Variants in U2SURP observed in about 807,000 individuals in gnomAD.
U2SURP encodes U2 snRNP-associated SURP motif-containing protein.
In U2SURP, 9 loss-of-function variants were observed where a neutral mutation model predicts 144.9. The observed-to-expected ratio is 0.06, with a 90% CI of 0.04 to 0.11. The LOEUF is 0.11. Ranked by LOEUF, U2SURP falls within the 10% of genes least tolerant of loss-of-function variation. The pLI is 1.00. For missense variants in U2SURP, 724 were observed against 1,226.7 expected (o/e 0.59, Z 6.12); for synonymous variants, 408 against 396.8 (o/e 1.03, Z -0.33).
At chr3:143,018,268 C>T (rs1578125061) in intron 6 of U2SURP, among the ~76,000 whole-genome samples, 2 of 151,908 alleles carry the variant, frequency 1.3e-5, no homozygotes, top group East Asian at 3.9e-4. Context: ...TTTGTCTATT[C>T]TGGACATTTT....
rs1936618955 is a variant in U2SURP, at chr3:143,021,296, G to C, written c.734-54G>C. On this transcript the variant is annotated intron_variant, in intron 8 of 27. Transcript: ENST00000473835. ...TGGGGGAAACAAAGGTGAGGGTAAG[G>C]GGGGACTACTGTATTATAAAAACTA... 11 of 1,541,734 alleles carry C rather than the reference G, an allele frequency of 7.1e-6. No homozygotes were observed. In the South Asian group the frequency reaches 1.1e-4, roughly 15 times the overall value.
At position 143,035,987 on chromosome 3, in the gene U2SURP, G is replaced by A. The variant is rs1299866152; in HGVS notation, c.1947G>A (p.Arg649=). 3.1e-6 allele frequency: 5 copies of A among 1,599,982 alleles called. No individual in the cohort carries two copies. The Admixed American group carries it at 5.4e-5, about 17-fold the overall frequency. Residue 649 remains arginine (R), a synonymous_variant, in exon 20 of 28, where the codon CGG becomes CGA. Transcript: ENST00000473835. The stretch of plus-strand genomic sequence containing the variant: ...TCTGTTTCCTGTTTCTTTAGCAACG[G>A]GTAATGACTTGCTTCAGAGCATGGG... The part of the protein sequence containing the change: ...GHLQSENFKQ[R]VMTCFRAWED...
intron 19 of U2SURP, 35 bp downstream of exon 19, chr3:143,035,010 T>C (rs1340467461): frequency 2.7e-6 from 1 of 371,392 alleles, no homozygotes; most frequent in Non-Finnish European, 5.1e-6. Context: ...TGCCCTAGTG[T>C]TTTAAATGGG....
intron 4 of U2SURP, 49 bp from the exon 5 acceptor site, chr3:143,016,208 A>G (rs767425191): frequency 1.5e-5 from 23 of 1,551,448 alleles, no homozygotes; most frequent in Non-Finnish European, 1.8e-5. Context: ...CCTTGTGTAC[A>G]TTAACAATTT....
At chr3:143,003,677 C>CTTTTTTTTTTTTTTTTTTTTTTTT (rs60505715) in intron 1 of U2SURP, among the ~76,000 whole-genome samples, 24 of 101,524 alleles carry the variant, frequency 2.4e-4, no homozygotes, top group East Asian at 3.0e-4. Flanking sequence ...TATTTTATTT[C>CTTTTTTTTTTTTTTTTTTTTTTTT]TTTTTTTTTT....
At chr3:143,026,027 T>C (rs1933127153) in intron 13 of U2SURP, 1 of 152,192 alleles carries the variant, frequency 6.6e-6, no homozygotes, top group African/African-American at 2.4e-5. Flanking sequence ...TAATTTAGTG[T>C]GTGCTTTGTA....
At chr3:143,020,565 G>A (rs776367517) in intron 7 of U2SURP, 34 bp from the exon 8 acceptor site, 1 of 1,508,546 alleles carries the variant, frequency 6.6e-7, no homozygotes. Context: ...ACAAATTTTG[G>A]CTCATTATAA....
At chr3:143,021,795 C>T (rs968270440) in intron 10 of U2SURP, among the ~76,000 whole-genome samples, 2 of 152,156 alleles carry the variant, frequency 1.3e-5, no homozygotes, top group Non-Finnish European at 2.9e-5. Context: ...ATTATTAAAT[C>T]AGGGTGTGAC....
chr3:143,003,896 T>C (rs1935679019), intron 1 of U2SURP, among the ~76,000 whole-genome samples: 2 of 152,116 alleles, frequency 1.3e-5, no homozygotes, highest in Admixed American at 1.3e-4. Context: ...TTCACCATGT[T>C]GGCCAGGATG....
At chr3:143,006,143 A>G (rs1268087958) in intron 1 of U2SURP, among the ~76,000 whole-genome samples, 1 of 152,230 alleles carries the variant, frequency 6.6e-6, no homozygotes, top group Non-Finnish European at 1.5e-5. Context: ...GTGTACTTAC[A>G]ACTTTTCATA....
chr3:143,048,051 G>T (rs1934635116), intron 24 of U2SURP, among the ~76,000 whole-genome samples: 1 of 152,254 alleles, frequency 6.6e-6, no homozygotes, highest in South Asian at 2.1e-4. Context: ...CAAGTGGAGG[G>T]TCTTCTGTCT....
At chr3:143,037,592 T>C (rs1379703102) in intron 21 of U2SURP, among the ~76,000 whole-genome samples, 1 of 152,128 alleles carries the variant, frequency 6.6e-6, no homozygotes, top group African/African-American at 2.4e-5. Flanking sequence ...CCTCCTATAA[T>C]ATTAGCAAGT....
At chr3:143,010,404 T>C (rs1043137521) in intron 1 of U2SURP, among the ~76,000 whole-genome samples, 1 of 152,182 alleles carries the variant, frequency 6.6e-6, no homozygotes, top group African/African-American at 2.4e-5. Context: ...TTTATGTGGC[T>C]TTGGGTGATT....
intron 6 of U2SURP, among the ~76,000 whole-genome samples, chr3:143,018,108 T>C (rs1007778561): frequency 6.6e-6 from 1 of 152,172 alleles, no homozygotes; most frequent in Non-Finnish European, 1.5e-5. Flanking sequence ...GTTTTAAGTA[T>C]GTTGAAAATT....
At chr3:143,041,291 AT>A (rs1056132818) in intron 23 of U2SURP, among the ~76,000 whole-genome samples, 1 of 151,944 alleles carries the variant, frequency 6.6e-6, no homozygotes, top group Non-Finnish European at 1.5e-5. Context: ...AAAACAGGAA[AT>A]TCTTGTGTTT....
intron 20 of U2SURP, among the ~76,000 whole-genome samples, chr3:143,036,621 C>G (rs1189134598): frequency 6.6e-6 from 1 of 152,142 alleles, no homozygotes; most frequent in Non-Finnish European, 1.5e-5. Flanking sequence ...CTTACTGTTG[C>G]AACCCACGTG....
intron 24 of U2SURP, among the ~76,000 whole-genome samples, chr3:143,049,914 G>A (rs1213583482): frequency 1.3e-5 from 2 of 152,042 alleles, no homozygotes; most frequent in African/African-American, 4.8e-5. Context: ...CAGTATATAA[G>A]TATATTACAT....
chr3:143,056,440 A>G lies in U2SURP; in HGVS notation c.3080A>G (p.Asn1027Ser), dbSNP rs375140128. ...AGGTCTCATAAAAAGTCAAAGAAAA[A>G]CAAACACTGACGTAAATTTTTAAGA... ...PHRSHKKSKK[N>S]KH The change falls in exon 28 of 28, where the codon AAC becomes AGC. Residue 1027 changes from asparagine (N) to serine (S), a missense_variant. By Grantham distance (46) the Asn-to-Ser change is conservative. This residue lies in a region of U2SURP where 129 missense variants were observed against 196.1 expected (regional missense o/e 0.66). Transcript: ENST00000473835. The G allele has an allele frequency of 2.5e-6, 4 of 1,612,178 alleles. No homozygotes were observed. The highest frequency in any genetic ancestry group is 3.4e-6 in the Non-Finnish European group (4 of 1,179,050).
In U2SURP at chr3:143,032,895, G is replaced by A; in HGVS notation, c.1722G>A (p.Val574=). Reference sequence around the variant, plus strand: ...ATGCTGAAGCTGCTGAAGAAATAGTGGATTGCATTACTGAGTCGTTGTCCA... The same window carrying A: ...ATGCTGAAGCTGCTGAAGAAATAGTAGATTGCATTACTGAGTCGTTGTCCA... ...LNNAEAAEEI[V]DCITESLSIL... The change falls in exon 17 of 28, where the codon GTG becomes GTA. Residue 574 remains valine (V), a synonymous_variant. Transcript: ENST00000473835. The A allele has an allele frequency of 1.9e-6, 3 of 1,613,662 alleles. No individual in the cohort carries two copies. Among genetic ancestry groups the A allele is most frequent in the Non-Finnish European group, 2.5e-6 (3 of 1,179,742 alleles).
Sources: allele counts gnomAD v4.1 joint callset (sites outside exome capture counted in the v4.1 genomes callset), GRCh38; gene constraint gnomAD v4.1.1; regional missense constraint gnomAD v4.1.1; transcripts MANE v1.5; gene names NCBI Gene and HGNC (gene_info 2026-07-23, HGNC 2026-07-21).